The following EYA1 variants were observed in gnomAD, a reference collection of about 807,000 sequenced individuals.
EYA1 encodes EYA transcriptional coactivator and phosphatase 1.
A neutral mutation model predicts 82.0 loss-of-function variants in EYA1; 16 were observed. The ratio of observed to expected loss-of-function variants is 0.20; its 90% CI spans 0.13 to 0.30. The LOEUF is 0.30. Ranked by LOEUF, EYA1 falls within the 10% of genes least tolerant of loss-of-function variation. EYA1 has a pLI of 1.00. For synonymous variants in EYA1, 261 were observed against 264.4 expected (o/e 0.99, Z 0.12); for missense variants, 633 against 730.7 (o/e 0.87, Z 1.54).
At chr8:71,340,701 A>G (rs1825023725) in intron 3 of EYA1, among the ~76,000 whole-genome samples, 2 of 152,128 alleles carry the variant, frequency 1.3e-5, no homozygotes, top group Non-Finnish European at 2.9e-5. Context: ...TTTATATTGG[A>G]AAGTCTTATG....
intron 2 of EYA1, among the ~76,000 whole-genome samples, chr8:71,436,111 A>G (rs888832153): frequency 6.6e-6 from 1 of 152,142 alleles, no homozygotes; most frequent in Non-Finnish European, 1.5e-5. Flanking sequence ...AAGAATGGAA[A>G]GGCCTCAATA....
At chr8:71,479,445 T>G (rs953547787) in intron 2 of EYA1, among the ~76,000 whole-genome samples, 1 of 152,106 alleles carries the variant, frequency 6.6e-6, no homozygotes, top group Non-Finnish European at 1.5e-5. Context: ...CTATGTAATT[T>G]CCTTACTTAT....
chr8:71,211,957 T>A (rs1014654774), intron 16 of EYA1, among the ~76,000 whole-genome samples: 2 of 152,292 alleles, frequency 1.3e-5, no homozygotes, highest in East Asian at 1.9e-4. Flanking sequence ...ATAAAGGTAA[T>A]AGAATACCCT....
intron 3 of EYA1, among the ~76,000 whole-genome samples, chr8:71,340,203 T>C (rs1382905148): frequency 6.6e-6 from 1 of 152,228 alleles, no homozygotes; most frequent in Non-Finnish European, 1.5e-5. Flanking sequence ...TCCCAATCTC[T>C]AATCATGTAT....
intron 2 of EYA1, among the ~76,000 whole-genome samples, chr8:71,410,774 G>A (rs1403936896): frequency 1.3e-5 from 2 of 150,596 alleles, no homozygotes; most frequent in Non-Finnish European, 3.0e-5. Context: ...TGGGGAGGAA[G>A]AATCAATATC....
chr8:71,317,374 G>A (rs1822040531), intron 7 of EYA1, among the ~76,000 whole-genome samples, 178 bp downstream of exon 7: 1 of 152,140 alleles, frequency 6.6e-6, no homozygotes, highest in South Asian at 2.1e-4. Flanking sequence ...TTATAAATAT[G>A]GAAATTTAGG....
At chr8:71,277,579 CTT>C (rs760388512) in intron 9 of EYA1, among the ~76,000 whole-genome samples, 3 of 152,266 alleles carry the variant, frequency 2.0e-5, no homozygotes, top group Admixed American at 6.5e-5. Flanking sequence ...ATTATGTACT[CTT>C]ATCTCTATTA....
intron 2 of EYA1, among the ~76,000 whole-genome samples, chr8:71,494,854 A>C (rs866057547): frequency 5.3e-5 from 8 of 152,090 alleles, no homozygotes; most frequent in Admixed American, 1.3e-4. Flanking sequence ...AATTCAATAA[A>C]ATATTCATTA....
intron 2 of EYA1, among the ~76,000 whole-genome samples, chr8:71,495,083 T>TA (rs528660029): frequency 1.3e-4 from 20 of 150,790 alleles, no homozygotes; most frequent in Admixed American, 2.6e-4. Flanking sequence ...ATTTATACTT[T>TA]AAAAAAAAAG....
Position 71,223,252 on chromosome 8 carries a change from C to T in EYA1, c.1141-6229G>A, listed in dbSNP as rs73286343. 3.4e-3 allele frequency among the ~76,000 whole-genome samples: 522 copies of T among 152,262 alleles called. 3 individuals are homozygous for T. The highest frequency in any genetic ancestry group is 0.012 in the African/African-American group (500 of 41,556). Reference sequence around the variant, plus strand: ...ATGGCAGGGGAAGCTGAAAAGAGGGCAGATGGCACCAGTCAGAGGTGCGGT... The same window carrying T: ...ATGGCAGGGGAAGCTGAAAAGAGGGTAGATGGCACCAGTCAGAGGTGCGGT... On this transcript the variant is annotated intron_variant, in intron 12 of 17. Transcript: ENST00000340726.
intron 2 of EYA1, among the ~76,000 whole-genome samples, chr8:71,437,083 T>TTATA (rs59140624): frequency 7.0e-4 from 102 of 144,970 alleles, no homozygotes; most frequent in Middle Eastern, 3.7e-3. Context: ...TCCATCTTGT[T>TTATA]TATATATATA....
intron 11 of EYA1, among the ~76,000 whole-genome samples, chr8:71,263,210 T>G (rs576521450): frequency 8.5e-5 from 13 of 152,366 alleles, no homozygotes; most frequent in African/African-American, 3.1e-4. Context: ...CTGGGTCATT[T>G]GACTGAGGTC....
Position 71,267,144 on chromosome 8 carries a change from G to A in EYA1, c.1050+2596C>T, listed in dbSNP as rs145843253. Among the ~76,000 whole-genome samples the A allele has an allele frequency of 2.7e-4, 41 of 152,212 alleles. 1 individual carries two copies. Among genetic ancestry groups the A allele is most frequent in the East Asian group, 2.3e-3 (12 of 5,176 alleles). ...CTCATCTCCTCCATTGTGGTCCCCC[G>A]ATGACTTCCCATGGCACATGCAGTG... On this transcript the variant is annotated intron_variant, in intron 11 of 17. Transcript: ENST00000340726.
intron 2 of EYA1, among the ~76,000 whole-genome samples, chr8:71,386,591 A>T (rs1048468931): frequency 6.6e-6 from 1 of 152,232 alleles, no homozygotes; most frequent in Non-Finnish European, 1.5e-5. Context: ...TAAAAAGCAG[A>T]ATGGTTGACT....
chr8:71,547,984 A>G (rs1362069890), exon 1 of EYA1: 1 of 152,204 alleles, frequency 6.6e-6, no homozygotes, highest in Non-Finnish European at 1.5e-5. Context: ...GTTTAGGGCA[A>G]AAAACCCGGC....
chr8:71,327,450 G>A (rs1436747105), intron 4 of EYA1, among the ~76,000 whole-genome samples: 2 of 152,180 alleles, frequency 1.3e-5, no homozygotes, highest in Non-Finnish European at 2.9e-5. Flanking sequence ...AAATGGCAGA[G>A]GCAGTAAAGA....
At chr8:71,407,209 G>A (rs1366993210) in intron 2 of EYA1, among the ~76,000 whole-genome samples, 3 of 146,736 alleles carry the variant, frequency 2.0e-5, no homozygotes, top group Non-Finnish European at 4.5e-5. Context: ...ACATCCACAC[G>A]GAAAACCCAT....
chr8:71,281,959 C>T (rs780144892), intron 9 of EYA1, among the ~76,000 whole-genome samples: 8 of 152,186 alleles, frequency 5.3e-5, no homozygotes, highest in African/African-American at 7.2e-5. Flanking sequence ...AGAATATTGG[C>T]GCTGCCTATA....
chr8:71,273,219 C>G (rs182412875), intron 9 of EYA1, among the ~76,000 whole-genome samples: 2 of 152,210 alleles, frequency 1.3e-5, no homozygotes, highest in Admixed American at 1.3e-4. Flanking sequence ...AACAAGATGG[C>G]AAACTTCCTC....
Sources: gnomAD v4.1 joint callset for allele counts (sites outside exome capture counted in the v4.1 genomes callset) on GRCh38, gnomAD v4.1.1 for gene constraint, MANE v1.5 for transcripts, NCBI Gene and HGNC (gene_info 2026-07-23, HGNC 2026-07-21) for gene names.